The following UBE4B variants were observed in gnomAD, a reference collection of about 807,000 sequenced individuals.
UBE4B encodes the protein ubiquitin conjugation factor E4 B.
UBE4B carries 27 observed loss-of-function variants against 148.1 expected under a neutral mutation model. That is an observed-to-expected ratio of 0.18 (90% CI 0.13 to 0.25). The LOEUF (loss-of-function observed/expected upper bound fraction) is 0.25, where lower values mean the gene tolerates loss of function less well. UBE4B is among the 10% of genes least tolerant of loss of function. UBE4B has a pLI of 1.00. For synonymous variants in UBE4B, 596 were observed against 619.3 expected, an observed-to-expected ratio of 0.96 and a Z score of 0.56; for missense variants, 1,170 against 1,662.4, an observed-to-expected ratio of 0.70 and a Z score of 5.15.
intron 8 of UBE4B, among the ~76,000 whole-genome samples, chr1:10,118,624 C>A (rs1004002018): frequency 6.6e-6 from 1 of 151,970 alleles, no homozygotes; most frequent in Non-Finnish European, 1.5e-5. Context: ...CCTGCCTCAG[C>A]CTCCCGAGTA....
chr1:10,143,465 A>T (rs1645816449), intron 17 of UBE4B, among the ~76,000 whole-genome samples: 1 of 151,778 alleles, frequency 6.6e-6, no homozygotes, highest in Admixed American at 6.6e-5. Context: ...TCCCATTGTC[A>T]CATCTCCTTC....
intron 14 of UBE4B, 31 bp downstream of exon 14, chr1:10,130,844 G>A (rs372216045): frequency 3.8e-4 from 597 of 1,587,576 alleles, no homozygotes; most frequent in Non-Finnish European, 3.5e-4. Context: ...TCCAGAGGAA[G>A]TATCAAAGAT....
At chr1:10,038,835 G>A (rs1390607889) in intron 1 of UBE4B, among the ~76,000 whole-genome samples, 3 of 152,050 alleles carry the variant, frequency 2.0e-5, no homozygotes, top group African/African-American at 4.8e-5. Context: ...GGTGGCTCAC[G>A]CCTGTAATCC....
intron 25 of UBE4B, among the ~76,000 whole-genome samples, chr1:10,174,170 T>C (rs1375003009): frequency 7.4e-5 from 11 of 149,434 alleles, no homozygotes; most frequent in Admixed American, 3.3e-4. Context: ...CCAAGGTGGG[T>C]GGATCATGAG....
intron 8 of UBE4B, 111 bp downstream of exon 8, chr1:10,117,711 A>C: frequency 7.6e-7 from 1 of 1,323,632 alleles, no homozygotes; most frequent in Admixed American, 3.1e-5. Context: ...ATTATTGAGC[A>C]TTTGCCATGT....
At chr1:10,109,641 C>CA (rs944794456) in intron 7 of UBE4B, among the ~76,000 whole-genome samples, 1 of 150,834 alleles carries the variant, frequency 6.6e-6, no homozygotes. Flanking sequence ...GATGAGCTAG[C>CA]AAAAAACCTT....
At chr1:10,045,598 A>G (rs1368251307) in intron 1 of UBE4B, among the ~76,000 whole-genome samples, 1 of 152,168 alleles carries the variant, frequency 6.6e-6, no homozygotes, top group Non-Finnish European at 1.5e-5. Flanking sequence ...CCATGAGGGT[A>G]CACCTGTGGA....
intron 8 of UBE4B, among the ~76,000 whole-genome samples, 163 bp downstream of exon 8, chr1:10,117,763 A>G (rs1391299568): frequency 6.6e-6 from 1 of 152,180 alleles, no homozygotes; most frequent in Non-Finnish European, 1.5e-5. Context: ...TCGATGAACA[A>G]AACAGAGATC....
intron 18 of UBE4B, among the ~76,000 whole-genome samples, chr1:10,146,344 C>T (rs965525566): frequency 1.3e-5 from 2 of 152,080 alleles, no homozygotes; most frequent in African/African-American, 2.4e-5. Flanking sequence ...CTCTGCCATT[C>T]GGGAGACTGA....
chr1:10,101,099 TA>T lies in UBE4B; in HGVS notation c.348-8del, dbSNP rs1232419844. 1 of 1,613,704 alleles carries T rather than the reference TA, an allele frequency of 6.2e-7. No homozygotes were observed. Among genetic ancestry groups the T allele is most frequent in the South Asian group, 1.1e-5 (1 of 91,056 alleles). On this transcript the variant is annotated splice_region_variant and splice_polypyrimidine_tract_variant and intron_variant, in intron 3 of 27. Coordinates refer to ENST00000343090, the MANE Select transcript of UBE4B (RefSeq NM_001105562.3). ...AGGTAAAAGGCTTGTTTGTCTTTTGTACTTTAAGCATGTCCCAGGTGGATGT... is the reference window on the plus strand; with the variant it reads ...AGGTAAAAGGCTTGTTTGTCTTTTGTCTTTAAGCATGTCCCAGGTGGATGT...
chr1:10,059,673 G>C (rs1203779500), intron 1 of UBE4B: 1 of 154,682 alleles, frequency 6.5e-6, no homozygotes, highest in Non-Finnish European at 1.4e-5. Context: ...GGCGGCAGCC[G>C]ATCCCTATCC....
At chr1:10,082,632 CTTTT>C (rs5772395) in intron 2 of UBE4B, among the ~76,000 whole-genome samples, 3 of 105,912 alleles carry the variant, frequency 2.8e-5, no homozygotes, top group East Asian at 2.8e-4. Context: ...AAGAAGGCGA[CTTTT>C]TTTTTTTTTT....
At chr1:10,035,521 G>A (rs1433294524) in intron 1 of UBE4B, among the ~76,000 whole-genome samples, 2 of 125,896 alleles carry the variant, frequency 1.6e-5, no homozygotes, top group African/African-American at 6.0e-5. Flanking sequence ...CTCAGACTCC[G>A]GAGTAGCTGG....
At chr1:10,097,048 A>AT (rs1241664384) in intron 3 of UBE4B, among the ~76,000 whole-genome samples, 5 of 149,628 alleles carry the variant, frequency 3.3e-5, no homozygotes, top group African/African-American at 4.9e-5. Flanking sequence ...CAAAAAAAAA[A>AT]AAAAAATAAT....
At chr1:10,113,501 A>T (rs922800279) in intron 7 of UBE4B, among the ~76,000 whole-genome samples, 5 of 152,232 alleles carry the variant, frequency 3.3e-5, no homozygotes. Context: ...GGCACAAGAA[A>T]AGCAATCGTC....
At chr1:10,066,878 C>G (rs528671726) in intron 1 of UBE4B, among the ~76,000 whole-genome samples, 23 of 152,092 alleles carry the variant, frequency 1.5e-4, no homozygotes, top group Non-Finnish European at 3.2e-4. Flanking sequence ...CGCACTCCAA[C>G]CTGGGTGACA....
At chr1:10,035,835 C>T (rs1019234661) in intron 1 of UBE4B, among the ~76,000 whole-genome samples, 5 of 151,208 alleles carry the variant, frequency 3.3e-5, no homozygotes, top group Admixed American at 6.6e-5. Context: ...GCTCCGCTTC[C>T]CGGGTTCACG....
intron 24 of UBE4B, 33 bp from the exon 25 acceptor site, chr1:10,171,105 C>T (rs2102031378): frequency 6.3e-7 from 1 of 1,594,326 alleles, no homozygotes; most frequent in East Asian, 2.2e-5. Context: ...GTCTCAACAG[C>T]ATGAATTGTC....
At chr1:10,040,999 G>A (rs1347434102) in intron 1 of UBE4B, among the ~76,000 whole-genome samples, 1 of 152,134 alleles carries the variant, frequency 6.6e-6, no homozygotes, top group Admixed American at 6.5e-5. Flanking sequence ...TCAGAAGATA[G>A]TTGCTACCAT....
Sources: allele counts gnomAD v4.1 joint callset (sites outside exome capture counted in the v4.1 genomes callset), GRCh38; gene constraint gnomAD v4.1.1; transcripts MANE v1.5; gene names NCBI Gene and HGNC (gene_info 2026-07-23, HGNC 2026-07-21).